The following PPP4R4 variants were observed in gnomAD, a reference collection of about 807,000 sequenced individuals.
The protein encoded by PPP4R4 is serine/threonine-protein phosphatase 4 regulatory subunit 4.
A neutral mutation model predicts 121.8 loss-of-function variants in PPP4R4; 70 were observed. That is an observed-to-expected ratio of 0.57 (90% CI 0.47 to 0.70). PPP4R4 has a LOEUF of 0.70. PPP4R4 is among the 30% of genes least tolerant of loss of function. PPP4R4 has a pLI of 0.00. For missense variants in PPP4R4, 875 were observed against 1,033.6 expected (o/e 0.85, Z 2.10); for synonymous variants, 348 against 355.7 (o/e 0.98, Z 0.24).
rs1889114119 is a variant in PPP4R4, at chr14:94,183,748, A to G, written c.191+7621A>G. On this transcript the variant is annotated intron_variant, in intron 2 of 24. Coordinates refer to ENST00000304338, the MANE Select transcript of PPP4R4 (RefSeq NM_058237.2). The stretch of plus-strand genomic sequence containing the variant: ...TTGAAAAGACCTCTGAAAGCGTAAT[A>G]ACATAATGTGATGTGAGAGAATTGA... Among the ~76,000 whole-genome samples, 2 of 152,200 alleles carry G rather than the reference A, an allele frequency of 1.3e-5. 1 individual carries two copies. The highest frequency in any genetic ancestry group is 4.1e-4 in the South Asian group (2 of 4,836).
chr14:94,177,834 C>G (rs938239477), intron 2 of PPP4R4, among the ~76,000 whole-genome samples: 1 of 152,070 alleles, frequency 6.6e-6, no homozygotes, highest in African/African-American at 2.4e-5. Flanking sequence ...TTTACAAAGC[C>G]CTTAAAGAGA....
chr14:94,197,556 A>G (rs1482614923), intron 2 of PPP4R4, among the ~76,000 whole-genome samples: 1 of 152,128 alleles, frequency 6.6e-6, no homozygotes, highest in African/African-American at 2.4e-5. Flanking sequence ...ATTTTGCACC[A>G]GTTTATTGAG....
Position 94,250,208 on chromosome 14 carries a change from C to CT in PPP4R4, c.1649dup (p.Cys551MetfsTer7). On this transcript the variant is annotated frameshift_variant, in exon 15 of 25. Coordinates refer to ENST00000304338, the MANE Select transcript of PPP4R4 (RefSeq NM_058237.2). LOFTEE classifies it high-confidence loss of function. ...TGTCCAAAAGGCGGCTTCACGAACT[C>CT]TATGCATTTTTCTGCGTTATAATCG... 1 of 1,612,520 alleles carries CT rather than the reference C, an allele frequency of 6.2e-7. No homozygotes were observed. The highest frequency in any genetic ancestry group is 8.5e-7 in the Non-Finnish European group (1 of 1,178,916).
intron 3 of PPP4R4, chr14:94,227,591 T>C: frequency 7.8e-7 from 1 of 1,290,292 alleles, no homozygotes; most frequent in Non-Finnish European, 9.8e-7. Flanking sequence ...GGGGCAAATG[T>C]TGCTGCGGGA....
At chr14:94,236,207 A>T (rs1892341201) in intron 7 of PPP4R4, among the ~76,000 whole-genome samples, 1 of 152,178 alleles carries the variant, frequency 6.6e-6, no homozygotes, top group Non-Finnish European at 1.5e-5. Flanking sequence ...TTTAATGCCC[A>T]GAGATAATTA....
At chr14:94,240,521 C>T (rs1410832560) in intron 8 of PPP4R4, 152 bp from the exon 9 acceptor site, 5 of 772,182 alleles carry the variant, frequency 6.5e-6, no homozygotes, top group Non-Finnish European at 9.7e-6. Flanking sequence ...TTTTCACCAC[C>T]CACCTCCATC....
chr14:94,270,300 GT>G (rs1894257098), intron 23 of PPP4R4, among the ~76,000 whole-genome samples: 1 of 152,080 alleles, frequency 6.6e-6, no homozygotes, highest in African/African-American at 2.4e-5. Context: ...TCCAATGTCA[GT>G]TTTTTTCTAA....
intron 3 of PPP4R4, among the ~76,000 whole-genome samples, chr14:94,228,923 G>C (rs903566488): frequency 6.6e-6 from 1 of 152,098 alleles, no homozygotes; most frequent in African/African-American, 2.4e-5. Context: ...GCTCGAAGTA[G>C]GGTCATCAGG....
intron 3 of PPP4R4, among the ~76,000 whole-genome samples, chr14:94,219,080 C>CTTTT (rs71301922): frequency 3.7e-5 from 4 of 106,954 alleles, no homozygotes; most frequent in Admixed American, 1.0e-4. Flanking sequence ...CTTTTCTTTT[C>CTTTT]TTTTTTTTTT....
At chr14:94,257,278 C>A (rs1893525209) in intron 17 of PPP4R4, among the ~76,000 whole-genome samples, 1 of 151,978 alleles carries the variant, frequency 6.6e-6, no homozygotes, top group African/African-American at 2.4e-5. Flanking sequence ...AATTTTTACT[C>A]TTCAAAAATT....
chr14:94,257,692 A>G (rs1392426267), intron 17 of PPP4R4, among the ~76,000 whole-genome samples: 1 of 148,868 alleles, frequency 6.7e-6, no homozygotes, highest in Non-Finnish European at 1.5e-5. Context: ...TCTACCAGAC[A>G]GTTCCTTCCT....
chr14:94,260,096 A>G (rs1290212070), intron 19 of PPP4R4, among the ~76,000 whole-genome samples: 2 of 152,210 alleles, frequency 1.3e-5, no homozygotes, highest in Non-Finnish European at 2.9e-5. Flanking sequence ...GCTGATTTGT[A>G]TGGCATGCTT....
intron 3 of PPP4R4, among the ~76,000 whole-genome samples, chr14:94,218,259 A>G (rs1290182301): frequency 6.6e-6 from 1 of 152,172 alleles, no homozygotes; most frequent in Non-Finnish European, 1.5e-5. Context: ...AATTATTTAA[A>G]GAAATACTAG....
intron 2 of PPP4R4, among the ~76,000 whole-genome samples, chr14:94,198,697 G>C (rs1015381768): frequency 6.6e-6 from 1 of 152,154 alleles, no homozygotes; most frequent in Non-Finnish European, 1.5e-5. Flanking sequence ...ATTAAATTCT[G>C]TTTATTGTTT....
chr14:94,198,006 T>G (rs1047265072), intron 2 of PPP4R4, among the ~76,000 whole-genome samples: 7 of 152,212 alleles, frequency 4.6e-5, no homozygotes, highest in African/African-American at 7.2e-5. Context: ...ATATTTACAT[T>G]AAAGTGTTTA....
chr14:94,242,167 T>A, intron 10 of PPP4R4, 122 bp from the exon 11 acceptor site: 1 of 1,316,150 alleles, frequency 7.6e-7, no homozygotes, highest in Non-Finnish European at 1.1e-6. Context: ...CCAAATATGA[T>A]TTTTAGTTAA....
intron 23 of PPP4R4, among the ~76,000 whole-genome samples, chr14:94,271,444 C>T (rs1191999497): frequency 1.3e-5 from 2 of 152,120 alleles, no homozygotes; most frequent in Non-Finnish European, 2.9e-5. Flanking sequence ...GAAGAAAAGA[C>T]ATTTGACAAA....
At chr14:94,225,354 G>A (rs1220520676) in intron 3 of PPP4R4, among the ~76,000 whole-genome samples, 1 of 152,180 alleles carries the variant, frequency 6.6e-6, no homozygotes, top group East Asian at 1.9e-4. Context: ...CTTTGGGCCT[G>A]GGGGTGTTTG....
rs113075229 is a variant in PPP4R4, at chr14:94,269,477, A to C, written c.2449+2448A>C. On this transcript the variant is annotated intron_variant, in intron 23 of 24. Coordinates refer to ENST00000304338, the MANE Select transcript of PPP4R4 (RefSeq NM_058237.2). ...GATCATGAGGTCAGGAGATCCGGATAATCCTGGCTAACACAGTGAAACACT... is the reference window on the plus strand; with the variant it reads ...GATCATGAGGTCAGGAGATCCGGATCATCCTGGCTAACACAGTGAAACACT... 8.0e-3 allele frequency among the ~76,000 whole-genome samples: 1,211 copies of C among 151,970 alleles called. 16 individuals are homozygous for C. The highest frequency in any genetic ancestry group is 0.028 in the African/African-American group (1,142 of 41,446).
Sources: gnomAD v4.1 joint callset for allele counts (sites outside exome capture counted in the v4.1 genomes callset) on GRCh38, gnomAD v4.1.1 for gene constraint, MANE v1.5 for transcripts, NCBI Gene and HGNC (gene_info 2026-07-23, HGNC 2026-07-21) for gene names.